The following STS variants were observed in gnomAD, a reference collection of about 807,000 sequenced individuals.
STS encodes steroid sulfatase.
A neutral mutation model predicts 26.8 loss-of-function variants in STS; 7 were observed. The ratio of observed to expected loss-of-function variants is 0.26; its 90% CI spans 0.15 to 0.49. STS has a LOEUF of 0.49. STS is among the 20% of genes least tolerant of loss of function. The pLI is 0.98. For synonymous variants in STS, 199 were observed against 189.4 expected (o/e 1.05, Z -0.42); for missense variants, 434 against 465.6 (o/e 0.93, Z 0.63).
At chrX:7,233,708 A>G (rs1400375715) in intron 2 of STS, among the ~76,000 whole-genome samples, 1 of 111,720 alleles carries the variant, frequency 9.0e-6, no homozygotes, top group Non-Finnish European at 1.9e-5. Context: ...CTCAGTGTAC[A>G]GGTTAGGGCC....
chrX:7,351,592 G>A lies in STS; in HGVS notation c.*1331G>A, dbSNP rs1367208738. 1 of 111,737 alleles carries A rather than the reference G, an allele frequency of 8.9e-6. No homozygotes were observed. Among genetic ancestry groups the A allele is most frequent in the African/African-American group, 3.3e-5 (1 of 30,707 alleles). 9.2% of individuals were successfully genotyped at this position (111,737 alleles called of 1,213,427 possible). On this transcript the variant is annotated 3_prime_UTR_variant, in exon 11 of 11. Coordinates refer to ENST00000674429, the MANE Select transcript of STS (RefSeq NM_001320752.2). The stretch of plus-strand genomic sequence containing the variant: ...TAAGACTTTCCCCAACAATGTGATT[G>A]GATTCCTTTATGGCAAAATCGAGAG...
chrX:7,219,486 G>C (rs1467745419), intron 2 of STS: 6 of 1,124,999 alleles, frequency 5.3e-6, no homozygotes, highest in Non-Finnish European at 7.0e-6. Context: ...TCCAGCAGCT[G>C]ACGGGACCCA....
chrX:7,228,750 T>C (rs1179545764), intron 2 of STS, among the ~76,000 whole-genome samples: 2 of 112,307 alleles, frequency 1.8e-5, no homozygotes, highest in Non-Finnish European at 3.8e-5. Flanking sequence ...CTGTTTTTGC[T>C]TCTATGGCCT....
At chrX:7,151,109 C>T (rs1436481341) in intron 1 of STS, among the ~76,000 whole-genome samples, 1 of 112,244 alleles carries the variant, frequency 8.9e-6, no homozygotes, top group Non-Finnish European at 1.9e-5. Context: ...CTTAAACATG[C>T]CATTTATTGT....
chrX:7,282,359 C>G (rs1018222987), intron 7 of STS, among the ~76,000 whole-genome samples: 4 of 111,655 alleles, frequency 3.6e-5, no homozygotes, highest in Non-Finnish European at 5.6e-5. Flanking sequence ...TGCCCCCAAG[C>G]CCAGCTAATA....
intron 8 of STS, among the ~76,000 whole-genome samples, chrX:7,319,800 T>G (rs1456333403): frequency 2.8e-5 from 3 of 106,779 alleles, no homozygotes; most frequent in Non-Finnish European, 5.7e-5. Context: ...TGGAGAACTG[T>G]TTAAATTCAC....
intron 8 of STS, among the ~76,000 whole-genome samples, chrX:7,321,897 T>G (rs1927050196): frequency 8.9e-6 from 1 of 111,921 alleles, no homozygotes; most frequent in Non-Finnish European, 1.9e-5. Flanking sequence ...ATGGGTCACC[T>G]GCCCAGCTGG....
chrX:7,208,650 C>A lies in STS; in HGVS notation c.-5+17642C>A, dbSNP rs754816798. ...CCTCTCTCCCTTTCTTCTTTCTTTCCTACCTTCCTTCCTCCTTCCTTATAT... is the reference window on the plus strand; with the variant it reads ...CCTCTCTCCCTTTCTTCTTTCTTTCATACCTTCCTTCCTCCTTCCTTATAT... On this transcript the variant is annotated intron_variant, in intron 2 of 10. Transcript: ENST00000674429. Among the ~76,000 whole-genome samples, 4 of 111,630 alleles carry A rather than the reference C, an allele frequency of 3.6e-5. No individual in the cohort carries two copies. The East Asian group carries it at 1.1e-3, about 31-fold the overall frequency.
At chrX:7,287,356 A>G (rs1437273833) in intron 7 of STS, among the ~76,000 whole-genome samples, 1 of 111,914 alleles carries the variant, frequency 8.9e-6, no homozygotes, top group Non-Finnish European at 1.9e-5. Context: ...ACCGAAGAAT[A>G]TAGACACAAA....
chrX:7,290,381 A>G (rs1339260094), intron 7 of STS, among the ~76,000 whole-genome samples: 1 of 111,635 alleles, frequency 9.0e-6, no homozygotes, highest in Non-Finnish European at 1.9e-5. Context: ...ACTACTACTA[A>G]TAAAGTTACT....
At chrX:7,189,024 A>G (rs1182938330) in intron 1 of STS, among the ~76,000 whole-genome samples, 2 of 111,741 alleles carry the variant, frequency 1.8e-5, no homozygotes, top group African/African-American at 6.5e-5. Flanking sequence ...GGGGGGAAAA[A>G]ATAACATTTC....
chrX:7,263,321 G>A (rs1345465564), intron 6 of STS, among the ~76,000 whole-genome samples: 1 of 112,038 alleles, frequency 8.9e-6, no homozygotes, highest in Non-Finnish European at 1.9e-5. Flanking sequence ...CACCCGCCTC[G>A]GCCTCTCGAA....
chrX:7,224,555 C>A (rs764823875), intron 2 of STS, among the ~76,000 whole-genome samples: 1 of 111,445 alleles, frequency 9.0e-6, no homozygotes, highest in Non-Finnish European at 1.9e-5. Context: ...CAGAGAGCTC[C>A]CTCATTCCTT....
intron 2 of STS, among the ~76,000 whole-genome samples, chrX:7,245,604 C>T (rs184209350): frequency 8.9e-6 from 1 of 112,196 alleles, no homozygotes; most frequent in East Asian, 2.8e-4. Context: ...AGAGAGGATG[C>T]TAGGGATATA....
At chrX:7,205,408 T>C (rs1366407905) in intron 2 of STS, among the ~76,000 whole-genome samples, 2 of 111,326 alleles carry the variant, frequency 1.8e-5, no homozygotes, top group Non-Finnish European at 3.8e-5. Flanking sequence ...TCACATCAAT[T>C]AGGCATGAAG....
In STS at chrX:7,180,226, C is replaced by T. The variant is rs572769656; in HGVS notation, c.-133-10654C>T. On this transcript the variant is annotated intron_variant, in intron 1 of 10. Coordinates refer to ENST00000674429, the MANE Select transcript of STS (RefSeq NM_001320752.2). ...GTAATAAAATAATTATACAACTCAC[C>T]ATAATGTAGCTGAGCTTGTTTTCCT... Among the ~76,000 whole-genome samples, 49 of 111,165 alleles carry T rather than the reference C, an allele frequency of 4.4e-4. No individual in the cohort carries two copies. In the South Asian group the frequency reaches 0.018, roughly 41 times the overall value.
At chrX:7,255,129 A>T (rs913368391) in intron 3 of STS, among the ~76,000 whole-genome samples, 2 of 112,546 alleles carry the variant, frequency 1.8e-5, no homozygotes, top group Non-Finnish European at 3.7e-5. Flanking sequence ...TTTCAATCTG[A>T]AACTTTGCAT....
chrX:7,163,772 A>G (rs1933295294), intron 1 of STS, among the ~76,000 whole-genome samples: 2 of 112,579 alleles, frequency 1.8e-5, no homozygotes, highest in East Asian at 2.8e-4. Flanking sequence ...ACTAACATAA[A>G]GTGAAAAGTC....
intron 2 of STS, among the ~76,000 whole-genome samples, chrX:7,240,441 G>T (rs770386833): frequency 2.0e-5 from 2 of 98,272 alleles, no homozygotes; most frequent in East Asian, 6.7e-4. Flanking sequence ...AAATGGAAAT[G>T]AATCTTCTCC....
Sources: allele counts gnomAD v4.1 joint callset (sites outside exome capture counted in the v4.1 genomes callset), GRCh38; gene constraint gnomAD v4.1.1; transcripts MANE v1.5; gene names NCBI Gene and HGNC (gene_info 2026-07-23, HGNC 2026-07-21).